AGO4: variants seen among roughly 807,000 people sequenced by gnomAD.
AGO4 encodes argonaute RISC component 4.
Under a neutral mutation model 104.7 loss-of-function variants are expected in AGO4, and 33 were observed. The observed-to-expected ratio is 0.32, with a 90% CI of 0.24 to 0.42. The LOEUF (loss-of-function observed/expected upper bound fraction) is 0.42, where lower values mean the gene tolerates loss of function less well. AGO4 is among the 10% of genes least tolerant of loss of function. The pLI, the probability that AGO4 is intolerant of heterozygous loss-of-function variation, is 1.00. For synonymous variants in AGO4, 331 were observed against 364.7 expected, an observed-to-expected ratio of 0.91 and a Z score of 1.05; for missense variants, 711 against 1,083.4, an observed-to-expected ratio of 0.66 and a Z score of 4.83.
rs1258352678 is a variant in AGO4, at chr1:35,856,791, C to G, written c.*3186C>G. ...ACGGTGCAGTGAGCTATTACTCCAG[C>G]CTGGGCAACAAGAGCGAAACTCTGT... On this transcript the variant is annotated 3_prime_UTR_variant, in exon 18 of 18. Transcript: ENST00000373210. 1.5e-5 allele frequency: 2 copies of G among 136,960 alleles called. No individual in the cohort carries two copies. Among genetic ancestry groups the G allele is most frequent in the Non-Finnish European group, 3.1e-5 (2 of 65,368 alleles). 8.5% of individuals were successfully genotyped at this position (136,960 alleles called of 1,614,324 possible).
rs1224674357 is a variant in AGO4, at chr1:35,808,487, G to C, written c.19+52G>C. ...GGACCCGGGACCCGGGACCCGGGGC[G>C]GGCGGCCGGGACTTTCGCTGCCCCG... On this transcript the variant is annotated intron_variant, in intron 1 of 17. Coordinates refer to ENST00000373210, the MANE Select transcript of AGO4 (RefSeq NM_017629.4). This position sits in a 1 kb window ranked among gnomAD's most constrained non-coding sequence, Gnocchi z 5.2. 1.7e-6 allele frequency: 2 copies of C among 1,174,060 alleles called. No homozygotes were observed. Among genetic ancestry groups the C allele is most frequent in the Non-Finnish European group, 2.1e-6 (2 of 948,560 alleles). The allele number at this position is 1,174,060 out of a possible 1,614,324, so 72.7% of individuals were successfully genotyped here.
At chr1:35,831,781 C>G (rs748501734) in intron 8 of AGO4, 31 bp from the exon 9 acceptor site, 1 of 1,613,266 alleles carries the variant, frequency 6.2e-7, no homozygotes, top group Non-Finnish European at 8.5e-7. Flanking sequence ...GAACCCTTTA[C>G]ACAAACCAAT....
At chr1:35,814,372 T>C (rs1042039625) in intron 1 of AGO4, among the ~76,000 whole-genome samples, 1 of 152,144 alleles carries the variant, frequency 6.6e-6, no homozygotes, top group African/African-American at 2.4e-5. Flanking sequence ...TTGTTACATA[T>C]GTATACATGT....
In AGO4 at chr1:35,850,796, A is replaced by C. The variant is rs1264092668; in HGVS notation, c.2278-58A>C. ...ACTCCATCTCAAAAAAAAAAAAAAAAAAACAAAAACAAAAAACGAACAAAA... is the reference window on the plus strand; with the variant it reads ...ACTCCATCTCAAAAAAAAAAAAAAACAAACAAAAACAAAAAACGAACAAAA... On this transcript the variant is annotated intron_variant, in intron 16 of 17. Transcript: ENST00000373210. 1.2e-4 allele frequency: 133 copies of C among 1,070,184 alleles called. No homozygotes were observed. In the African/African-American group the frequency reaches 2.0e-3, roughly 16 times the overall value. 66.3% of individuals were successfully genotyped at this position (1,070,184 alleles called of 1,614,324 possible). A position where few individuals can be genotyped will look rare whatever the true frequency, so the allele number is the denominator to read the frequency against.
intron 5 of AGO4, 32 bp from the exon 6 acceptor site, chr1:35,825,894 C>T (rs372002732): frequency 1.4e-5 from 22 of 1,608,698 alleles, no homozygotes; most frequent in Non-Finnish European, 1.9e-5. Context: ...TTCCCTTTTC[C>T]CTGAAGTGAA....
chr1:35,838,427 TC>T (rs1167649935), intron 13 of AGO4, among the ~76,000 whole-genome samples: 3 of 152,150 alleles, frequency 2.0e-5, no homozygotes, highest in Non-Finnish European at 4.4e-5. Context: ...GCTTAAGTGA[TC>T]CTTCCACCTT....
At chr1:35,832,666 C>A in intron 11 of AGO4, 96 bp downstream of exon 11, 1 of 1,438,196 alleles carries the variant, frequency 7.0e-7, no homozygotes, top group South Asian at 1.5e-5. Flanking sequence ...CACTAAATCC[C>A]TGACTCCCAT....
intron 1 of AGO4, among the ~76,000 whole-genome samples, chr1:35,810,459 T>G (rs1256677045): frequency 6.6e-6 from 1 of 152,196 alleles, no homozygotes; most frequent in Non-Finnish European, 1.5e-5. Context: ...ACCGCCTCCC[T>G]GCAACCTAGT....
Position 35,822,951 on chromosome 1 carries a change from C to T in AGO4, c.275C>T (p.Thr92Ile). 6.2e-7 allele frequency: 1 copy of T among 1,614,046 alleles called. No homozygotes were observed. Among genetic ancestry groups the T allele is most frequent in the Non-Finnish European group, 8.5e-7 (1 of 1,179,972 alleles). The change falls in exon 3 of 18, where the codon ACA becomes ATA. Residue 92 changes from threonine to isoleucine, a missense_variant. Thr to Ile is a moderately conservative substitution (Grantham distance 89). Around this residue, in one of 3 missense-constraint regions of AGO4, gnomAD observed 308 missense variants for 397.8 expected, o/e 0.77. Coordinates refer to ENST00000373210, the MANE Select transcript of AGO4 (RefSeq NM_017629.4). Reference protein sequence around the residue: ...PGYDGKRNMYTAHPLPIGRDR... With the variant: ...PGYDGKRNMYIAHPLPIGRDR... ...TATGATGGCAAAAGAAACATGTACA[C>T]AGCACATCCACTACCAATTGGACGG...
intron 3 of AGO4, among the ~76,000 whole-genome samples, chr1:35,823,651 G>A (rs897094410): frequency 1.3e-5 from 2 of 150,700 alleles, no homozygotes; most frequent in Admixed American, 6.6e-5. Context: ...GGCTGGTCTC[G>A]AACTCCTGAC....
chr1:35,840,973 T>C (rs948618684), intron 13 of AGO4, among the ~76,000 whole-genome samples, 192 bp from the exon 14 acceptor site: 4 of 152,168 alleles, frequency 2.6e-5, no homozygotes, highest in South Asian at 2.1e-4. Context: ...TGTTCACTTC[T>C]TCAGTCAGTC....
At chr1:35,824,316 G>A (rs1643959683) in intron 3 of AGO4, among the ~76,000 whole-genome samples, 1 of 151,812 alleles carries the variant, frequency 6.6e-6, no homozygotes, top group African/African-American at 2.4e-5. Flanking sequence ...GATATGTTAT[G>A]TATATTAGCT....
intron 7 of AGO4, among the ~76,000 whole-genome samples, chr1:35,827,909 C>T (rs1644070036): frequency 6.6e-6 from 1 of 150,854 alleles, no homozygotes; most frequent in Non-Finnish European, 1.5e-5. Context: ...CACCACCACA[C>T]TCGCCTAATT....
chr1:35,836,433 A>G (rs1644314673), intron 13 of AGO4, among the ~76,000 whole-genome samples: 2 of 152,116 alleles, frequency 1.3e-5, no homozygotes, highest in South Asian at 2.1e-4. Context: ...TTATTCTACT[A>G]TTGATCACTC....
Position 35,841,605 on chromosome 1 carries a change from C to T in AGO4, c.2041-11C>T. 6.2e-7 allele frequency: 1 copy of T among 1,614,008 alleles called. No individual in the cohort carries two copies. The highest frequency in any genetic ancestry group is 8.5e-7 in the Non-Finnish European group (1 of 1,179,960). On this transcript the variant is annotated splice_polypyrimidine_tract_variant and intron_variant, in intron 14 of 17. Coordinates refer to ENST00000373210, the MANE Select transcript of AGO4 (RefSeq NM_017629.4). This position sits in a 1 kb window ranked among gnomAD's most constrained non-coding sequence, Gnocchi z 4.7. ...TTCTCAATTAAACATAATTCCATTT[C>T]TGTCTTCTAGGTAGCTTGGCCAGAA...
intron 1 of AGO4, among the ~76,000 whole-genome samples, chr1:35,810,278 A>G (rs1012103957): frequency 4.6e-5 from 7 of 152,180 alleles, no homozygotes; most frequent in African/African-American, 1.7e-4. Context: ...TAAGCATAGA[A>G]TCAGAGCAAA....
chr1:35,818,624 A>AT lies in AGO4; in HGVS notation c.185+1577_185+1578insT, dbSNP rs1254743273. 6.7e-5 allele frequency among the ~76,000 whole-genome samples: 7 copies of AT among 104,316 alleles called. No homozygotes were observed. In the East Asian group the frequency reaches 1.9e-3, roughly 29 times the overall value. The allele number at this position is 104,316 out of a possible 152,430, so 68.4% of individuals were successfully genotyped here. On this transcript the variant is annotated intron_variant, in intron 2 of 17. Coordinates refer to ENST00000373210, the MANE Select transcript of AGO4 (RefSeq NM_017629.4). ...GGGCAACAGAGGGAGACTCTGTCTC[A>AT]AAAAGAAAGAAAGAAAGAAAGAAAG...
intron 15 of AGO4, among the ~76,000 whole-genome samples, chr1:35,847,303 G>A (rs1338287498): frequency 1.3e-5 from 2 of 150,688 alleles, no homozygotes; most frequent in African/African-American, 4.9e-5. Flanking sequence ...GCTCAGTCTC[G>A]GCTCACTGCA....
chr1:35,821,822 A>T (rs556784629), intron 2 of AGO4, among the ~76,000 whole-genome samples: 1 of 152,200 alleles, frequency 6.6e-6, no homozygotes, highest in East Asian at 1.9e-4. Flanking sequence ...CATGGATCTT[A>T]GATTTACTGA....
Sources: gnomAD v4.1 joint callset for allele counts (sites outside exome capture counted in the v4.1 genomes callset) on GRCh38, gnomAD v4.1.1 for gene constraint, gnomAD v4.1.1 regional missense constraint, Gnocchi (gnomAD v3.1) non-coding constraint, MANE v1.5 for transcripts, NCBI Gene and HGNC (gene_info 2026-07-23, HGNC 2026-07-21) for gene names.